NTM: variants seen among roughly 807,000 people sequenced by gnomAD.
The protein encoded by NTM is IgLON family member 2.
In NTM, 13 loss-of-function variants were observed where a neutral mutation model predicts 42.1. The observed-to-expected ratio is 0.31, with a 90% CI of 0.20 to 0.49. The LOEUF (loss-of-function observed/expected upper bound fraction) is 0.49. NTM is among the 20% of genes least tolerant of loss of function. NTM has a pLI of 0.99. For synonymous variants in NTM, 187 were observed against 179.2 expected, an observed-to-expected ratio of 1.04 and a Z score of -0.35; for missense variants, 373 against 452.8, an observed-to-expected ratio of 0.82 and a Z score of 1.60.
chr11:131,468,762 C>CA (rs1212721491), intron 1 of NTM, among the ~76,000 whole-genome samples: 1 of 152,166 alleles, frequency 6.6e-6, no homozygotes. Flanking sequence ...TGCATATCTT[C>CA]AAAACTCCCT....
intron 7 of NTM, among the ~76,000 whole-genome samples, chr11:132,326,215 G>A (rs544726219): frequency 6.6e-6 from 1 of 152,020 alleles, no homozygotes; most frequent in Non-Finnish European, 1.5e-5. Flanking sequence ...CAGTATCAGG[G>A]AAGTGAGAGA....
intron 1 of NTM, among the ~76,000 whole-genome samples, chr11:131,404,545 A>G (rs146060390): frequency 1.3e-5 from 2 of 152,194 alleles, no homozygotes; most frequent in African/African-American, 2.4e-5. Context: ...AGTGACCTCT[A>G]TATACTGGTG....
At chr11:132,254,172 C>T (rs75655781) in intron 4 of NTM, among the ~76,000 whole-genome samples, 2,097 of 152,252 alleles carry the variant, frequency 0.014, 46 homozygotes, top group African/African-American at 0.046. Flanking sequence ...CTTAGACGCA[C>T]TGACAGGGCC....
chr11:132,262,694 CAT>C (rs2092938582), intron 4 of NTM, among the ~76,000 whole-genome samples: 1 of 152,196 alleles, frequency 6.6e-6, no homozygotes, highest in African/African-American at 2.4e-5. Flanking sequence ...AGGTCTTCAA[CAT>C]AGGAATTTTG....
At chr11:132,267,852 AAAC>A (rs1338501969) in intron 4 of NTM, among the ~76,000 whole-genome samples, 2 of 152,118 alleles carry the variant, frequency 1.3e-5, no homozygotes, top group Admixed American at 6.5e-5. Context: ...AAAAAAAAAA[AAAC>A]AAAAAAAACC....
chr11:132,125,852 A>ATGCTGTGGTATGTGGTGTG (rs1048142503), intron 2 of NTM, among the ~76,000 whole-genome samples: 7 of 9,268 alleles, frequency 7.6e-4, no homozygotes, highest in Non-Finnish European at 1.6e-3. Context: ...GGCTGGGTGT[A>ATGCTGTGGTATGTGGTGTG]TGCTGTGGTA....
In NTM at chr11:132,335,664, A is replaced by G. The variant is rs1305370981; in HGVS notation, c.*518A>G. On this transcript the variant is annotated 3_prime_UTR_variant, in exon 9 of 9. Transcript: ENST00000683400. ...TAAAAAGAGCAAGAAAGAAAAAGGA[A>G]ACAAAATAAGACCGTCTGACAGCAA... 1 of 152,610 alleles carries G rather than the reference A, an allele frequency of 6.6e-6. No individual in the cohort carries two copies. The highest frequency in any genetic ancestry group is 1.5e-5 in the Non-Finnish European group (1 of 68,104). 9.5% of individuals were successfully genotyped at this position (152,610 alleles called of 1,614,324 possible).
intron 2 of NTM, among the ~76,000 whole-genome samples, chr11:131,948,389 C>CAAAAAAAAGAAAACA (rs2060605272): frequency 1.3e-5 from 2 of 150,822 alleles, no homozygotes; most frequent in South Asian, 2.1e-4. Flanking sequence ...AACAAAAAAA[C>CAAAAAAAAGAAAACA]AAAAAAAAGA....
At chr11:131,857,552 G>C (rs1189067678) in intron 1 of NTM, among the ~76,000 whole-genome samples, 1 of 152,044 alleles carries the variant, frequency 6.6e-6, no homozygotes, top group Non-Finnish European at 1.5e-5. Flanking sequence ...AGTTCTCTTT[G>C]CGTGTTCACA....
At chr11:132,047,371 T>C (rs1363447295) in intron 2 of NTM, among the ~76,000 whole-genome samples, 1 of 152,238 alleles carries the variant, frequency 6.6e-6, no homozygotes, top group Admixed American at 6.5e-5. Flanking sequence ...AGTCTTTCAG[T>C]GTTGAGGTCA....
At chr11:131,931,501 G>A (rs537639108) in intron 2 of NTM, among the ~76,000 whole-genome samples, 3 of 150,966 alleles carry the variant, frequency 2.0e-5, no homozygotes, top group Non-Finnish European at 4.4e-5. Flanking sequence ...GTGTGTGTGT[G>A]TGTATGTGTG....
At chr11:131,926,519 C>G (rs1402357776) in intron 2 of NTM, among the ~76,000 whole-genome samples, 1 of 151,792 alleles carries the variant, frequency 6.6e-6, no homozygotes, top group Admixed American at 6.6e-5. Flanking sequence ...CAAAGACGAG[C>G]AAGGCAAGGA....
At chr11:131,631,939 G>A (rs896654241) in intron 1 of NTM, among the ~76,000 whole-genome samples, 18 of 151,790 alleles carry the variant, frequency 1.2e-4, no homozygotes, top group African/African-American at 4.4e-4. Flanking sequence ...TTTATTTCCG[G>A]GGACTTCTCT....
intron 2 of NTM, among the ~76,000 whole-genome samples, chr11:131,996,777 GC>G (rs975638301): frequency 1.3e-4 from 20 of 152,230 alleles, no homozygotes; most frequent in African/African-American, 4.8e-4. Flanking sequence ...ATTGCTGCCA[GC>G]CCCCTCTGAG....
chr11:131,871,730 A>G (rs2047806145), intron 1 of NTM, among the ~76,000 whole-genome samples: 1 of 152,124 alleles, frequency 6.6e-6, no homozygotes, highest in African/African-American at 2.4e-5. Flanking sequence ...CTAGAGACTC[A>G]TCATGCTTTG....
chr11:131,642,077 G>A (rs1174917037), intron 1 of NTM, among the ~76,000 whole-genome samples: 4 of 152,202 alleles, frequency 2.6e-5, no homozygotes, highest in Admixed American at 2.6e-4. Context: ...CTTTAGTGAA[G>A]AGGAGAACAA....
At chr11:131,839,466 G>A (rs1239480776) in intron 1 of NTM, among the ~76,000 whole-genome samples, 1 of 152,202 alleles carries the variant, frequency 6.6e-6, no homozygotes, top group Non-Finnish European at 1.5e-5. Flanking sequence ...ACCTGAGGAA[G>A]CAGCCAGGGC....
chr11:132,292,139 G>A lies in NTM; in HGVS notation c.527-15550G>A, dbSNP rs116807151. Reference sequence around the variant, plus strand: ...CTGATGAAGGGAATTCCTTGAAAAAGTGAGAAAGAAACAAATGCATAGAAC... The same window carrying A: ...CTGATGAAGGGAATTCCTTGAAAAAATGAGAAAGAAACAAATGCATAGAAC... On this transcript the variant is annotated intron_variant, in intron 4 of 8. Coordinates refer to ENST00000683400, the MANE Select transcript of NTM (RefSeq NM_001352005.2). Among the ~76,000 whole-genome samples, 633 of 152,300 alleles carry A rather than the reference G, an allele frequency of 4.2e-3. 8 individuals are homozygous for A. The highest frequency in any genetic ancestry group is 0.014 in the African/African-American group (588 of 41,550).
At chr11:132,304,204 G>A (rs1331266693) in intron 4 of NTM, among the ~76,000 whole-genome samples, 4 of 152,096 alleles carry the variant, frequency 2.6e-5, no homozygotes, top group African/African-American at 9.7e-5. Context: ...CTGAAGAAGT[G>A]GACCATGATG....
Sources: gnomAD v4.1 joint callset for allele counts (sites outside exome capture counted in the v4.1 genomes callset) on GRCh38, gnomAD v4.1.1 for gene constraint, MANE v1.5 for transcripts, NCBI Gene and HGNC (gene_info 2026-07-23, HGNC 2026-07-21) for gene names.